CR1L: variants seen among roughly 807,000 people sequenced by gnomAD.
CR1L encodes the protein complement component receptor 1-like protein.
Under a neutral mutation model 62.3 loss-of-function variants are expected in CR1L, and 59 were observed. That is an observed-to-expected ratio of 0.95 (90% CI 0.77 to 1.18). The LOEUF is 1.18. Ranked by LOEUF, CR1L falls within the 50% of genes most tolerant of loss-of-function variation. The pLI is 0.00. For synonymous variants in CR1L, 279 were observed against 248.7 expected, an observed-to-expected ratio of 1.12 and a Z score of -1.15; for missense variants, 700 against 702.8, an observed-to-expected ratio of 1.00 and a Z score of 0.04.
chr1:207,670,460 C>T (rs1387883117), intron 1 of CR1L, among the ~76,000 whole-genome samples: 1 of 151,032 alleles, frequency 6.6e-6, no homozygotes, highest in African/African-American at 2.5e-5. Context: ...AGTAGGTAAA[C>T]ATCTTCAGTT....
intron 1 of CR1L, among the ~76,000 whole-genome samples, chr1:207,659,919 T>C (rs1663382109): frequency 6.6e-6 from 1 of 152,198 alleles, no homozygotes; most frequent in African/African-American, 2.4e-5. Flanking sequence ...CAGTGTGAGA[T>C]CCACCTGGGA....
rs577424133 is a variant in CR1L at position 207,706,100 on chromosome 1, T to G, written c.1329-2078T>G. Among the ~76,000 whole-genome samples, 4 of 149,802 alleles carry G rather than the reference T, an allele frequency of 2.7e-5. No homozygotes were observed. The South Asian group carries it at 8.5e-4, about 32-fold the overall frequency. Reference sequence around the variant, plus strand: ...AAAGAGTAAGAAGAGTTAACCAAATTTTCCCTCAATGCAGTGGGAAAAGAT... The same window carrying G: ...AAAGAGTAAGAAGAGTTAACCAAATGTTCCCTCAATGCAGTGGGAAAAGAT... On this transcript the variant is annotated intron_variant, in intron 9 of 11. Coordinates refer to ENST00000508064, the MANE Select transcript of CR1L (RefSeq NM_175710.2).
At chr1:207,715,466 G>A (rs1653971776) in intron 10 of CR1L, 1 of 967,520 alleles carries the variant, frequency 1.0e-6, no homozygotes, top group Non-Finnish European at 1.6e-6. Context: ...TTACTGCACG[G>A]AATCACTTGT....
intron 10 of CR1L, among the ~76,000 whole-genome samples, chr1:207,711,795 A>G (rs181450684): frequency 3.3e-4 from 50 of 150,244 alleles, no homozygotes; most frequent in Non-Finnish European, 4.4e-5. Flanking sequence ...AAATCTCATG[A>G]GGCTGAGGCA....
intron 9 of CR1L, among the ~76,000 whole-genome samples, chr1:207,702,881 A>G (rs1664214012): frequency 6.6e-6 from 1 of 152,162 alleles, no homozygotes; most frequent in African/African-American, 2.4e-5. Context: ...TCAGGTGTTC[A>G]AGACCAGCCT....
intron 1 of CR1L, among the ~76,000 whole-genome samples, chr1:207,648,869 C>T (rs1265679785): frequency 6.6e-6 from 1 of 152,206 alleles, no homozygotes; most frequent in African/African-American, 2.4e-5. Context: ...CTTCTTTCTC[C>T]ATTGTTCTGT....
chr1:207,670,574 C>T (rs547544383), intron 1 of CR1L, among the ~76,000 whole-genome samples: 3 of 151,002 alleles, frequency 2.0e-5, no homozygotes, highest in Admixed American at 2.0e-4. Flanking sequence ...TGTTTTGGTC[C>T]TGTCTCTTCC....
chr1:207,654,573 C>A (rs1663276186), intron 1 of CR1L, among the ~76,000 whole-genome samples: 1 of 152,080 alleles, frequency 6.6e-6, no homozygotes, highest in African/African-American at 2.4e-5. Flanking sequence ...GGTGTATACT[C>A]AATGAAAGTA....
At chr1:207,666,001 G>A (rs566476798) in intron 1 of CR1L, among the ~76,000 whole-genome samples, 2 of 152,286 alleles carry the variant, frequency 1.3e-5, no homozygotes, top group East Asian at 1.9e-4. Flanking sequence ...GTAGAGAATA[G>A]TTTTCTACCT....
At chr1:207,708,297 C>T in intron 10 of CR1L, 34 bp downstream of exon 10, 1 of 1,605,066 alleles carries the variant, frequency 6.2e-7, no homozygotes, top group Non-Finnish European at 8.5e-7. Context: ...TTCACCCCAC[C>T]ATTTAACCCT....
intron 4 of CR1L, among the ~76,000 whole-genome samples, chr1:207,687,530 T>C (rs1209609001): frequency 1.3e-5 from 2 of 152,222 alleles, no homozygotes; most frequent in African/African-American, 2.4e-5. Flanking sequence ...CTTCCCAAAG[T>C]AACCGCTATT....
intron 1 of CR1L, among the ~76,000 whole-genome samples, chr1:207,647,994 C>T (rs1291735649): frequency 3.9e-5 from 6 of 151,942 alleles, no homozygotes; most frequent in Non-Finnish European, 5.9e-5. Flanking sequence ...CCCACCTCTA[C>T]AGAATATTAA....
In CR1L at chr1:207,718,268, A is replaced by G. The variant is rs536886383; in HGVS notation, c.1642+577A>G. 2.0e-3 allele frequency among the ~76,000 whole-genome samples: 308 copies of G among 152,224 alleles called. 5 individuals are homozygous for G. Among genetic ancestry groups the G allele is most frequent in the South Asian group, 0.017 (84 of 4,822 alleles). The stretch of plus-strand genomic sequence containing the variant: ...CTGGAGAAGCAGAGTCTGAGACTGT[A>G]CTCTTAGCCTTCATAGCTCCTTCCT... On this transcript the variant is annotated intron_variant, in intron 11 of 11. Transcript: ENST00000508064.
chr1:207,722,790 G>A (rs940634405), intron 11 of CR1L, among the ~76,000 whole-genome samples: 1 of 143,420 alleles, frequency 7.0e-6, no homozygotes, highest in Non-Finnish European at 1.6e-5. Context: ...TATGCAATGT[G>A]TGTGGACAAT....
chr1:207,680,072 T>C (rs1663772219), intron 3 of CR1L, among the ~76,000 whole-genome samples: 1 of 152,212 alleles, frequency 6.6e-6, no homozygotes, highest in African/African-American at 2.4e-5. Flanking sequence ...TGATGTACAA[T>C]ACCAAGAGTG....
intron 11 of CR1L, among the ~76,000 whole-genome samples, chr1:207,720,726 G>A (rs536543811): frequency 6.6e-6 from 1 of 152,280 alleles, no homozygotes; most frequent in Admixed American, 6.5e-5. Flanking sequence ...TTGCATGCTA[G>A]ACAAATAAGT....
At chr1:207,718,143 G>A in intron 11 of CR1L, among the ~76,000 whole-genome samples, 2 of 152,282 alleles carry the variant, frequency 1.3e-5, no homozygotes, top group Admixed American at 1.3e-4. Flanking sequence ...CAGATGTAGG[G>A]ATTTATACTT....
chr1:207,651,064 C>T (rs1049917146), intron 1 of CR1L, among the ~76,000 whole-genome samples: 53 of 152,228 alleles, frequency 3.5e-4, no homozygotes, highest in African/African-American at 1.2e-3. Flanking sequence ...GGATTACAGA[C>T]GTGAGCCACT....
At position 207,717,702 on chromosome 1, in the gene CR1L, G is replaced by C. The variant is rs189312303; in HGVS notation, c.1642+11G>C. On this transcript the variant is annotated intron_variant, in intron 11 of 11. Transcript: ENST00000508064. ...TTCCTGTTGGTGCTGGTCAGTATCC[G>C]CTTCCACATATCCTAAATGGGTTCA... 329 of 1,613,694 alleles carry C rather than the reference G, an allele frequency of 2.0e-4. No homozygotes were observed. The African/African-American group carries it at 3.9e-3, about 19-fold the overall frequency.
Sources: allele counts gnomAD v4.1 joint callset (sites outside exome capture counted in the v4.1 genomes callset), GRCh38; gene constraint gnomAD v4.1.1; transcripts MANE v1.5; gene names NCBI Gene and HGNC (gene_info 2026-07-23, HGNC 2026-07-21).